The following KIF24 variants were observed in gnomAD, a reference collection of about 807,000 sequenced individuals.
The protein encoded by KIF24 is kinesin-like protein KIF24.
Under a neutral mutation model 118.9 loss-of-function variants are expected in KIF24, and 81 were observed. The observed-to-expected ratio is 0.68, with a 90% CI of 0.57 to 0.82. The LOEUF is 0.82. Ranked by LOEUF, KIF24 falls within the 40% of genes least tolerant of loss-of-function variation. KIF24 has a pLI of 0.00. For missense variants in KIF24, 1,560 were observed against 1,661.6 expected, an observed-to-expected ratio of 0.94 and a Z score of 1.06; for synonymous variants, 599 against 610.0, an observed-to-expected ratio of 0.98 and a Z score of 0.27.
At position 34,318,922 on chromosome 9, in the gene KIF24, C is replaced by T; in HGVS notation, c.-25-7551G>A. ...ACAAGCGCAGTGCGCTGCAGTCCATCCACGAGTGGGCCGTGCAGACCACCG... is the reference window on the plus strand; with the variant it reads ...ACAAGCGCAGTGCGCTGCAGTCCATTCACGAGTGGGCCGTGCAGACCACCG... On this transcript the variant is annotated intron_variant, in intron 1 of 12. Coordinates refer to ENST00000402558, the MANE Select transcript of KIF24 (RefSeq NM_194313.4). This position sits in a 1 kb window ranked among gnomAD's most constrained non-coding sequence, Gnocchi z 4.9. 2 of 1,569,684 alleles carry T rather than the reference C, an allele frequency of 1.3e-6. No homozygotes were observed. Among genetic ancestry groups the T allele is most frequent in the Non-Finnish European group, 1.7e-6 (2 of 1,145,418 alleles).
intron 1 of KIF24, among the ~76,000 whole-genome samples, chr9:34,317,167 G>A (rs1257857300): frequency 6.6e-6 from 1 of 151,488 alleles, no homozygotes; most frequent in Non-Finnish European, 1.5e-5. Context: ...GCGGTGAGCT[G>A]AGATCGCGCC....
At chr9:34,259,462 ATG>A (rs1834973037) in intron 10 of KIF24, 132 bp downstream of exon 10, 3 of 675,702 alleles carry the variant, frequency 4.4e-6, no homozygotes, top group Non-Finnish European at 7.9e-6. Context: ...TCAGATCCCT[ATG>A]TGTGTGTGAG....
At chr9:34,317,634 T>C (rs1459830002) in intron 1 of KIF24, among the ~76,000 whole-genome samples, 1 of 152,172 alleles carries the variant, frequency 6.6e-6, no homozygotes, top group Non-Finnish European at 1.5e-5. Flanking sequence ...GGAATGTCAA[T>C]CATCCCACTG....
intron 10 of KIF24, 104 bp downstream of exon 10, chr9:34,259,492 T>C (rs2131670705): frequency 1.2e-6 from 1 of 800,510 alleles, no homozygotes; most frequent in East Asian, 2.6e-5. Context: ...GACATGTGCA[T>C]GCACTTGCAC....
In KIF24 at chr9:34,298,544, CAA is replaced by C. The variant is rs5897564; in HGVS notation, c.814-1432_814-1431del. The stretch of plus-strand genomic sequence containing the variant: ...CTGGGCAACGAGCAAAACTCCATCT[CAA>C]AAAAAAAAAAAAGAGACAGAATACT... On this transcript the variant is annotated intron_variant, in intron 3 of 12. Transcript: ENST00000402558. Among the ~76,000 whole-genome samples, 187 of 135,934 alleles carry C rather than the reference CAA, an allele frequency of 1.4e-3. 1 individual carries two copies. The highest frequency in any genetic ancestry group is 1.8e-3 in the Admixed American group (24 of 13,572). 89.2% of individuals were successfully genotyped at this position (135,934 alleles called of 152,430 possible).
rs140636385 is a variant in KIF24, at chr9:34,323,909, ATAATT to A, written c.-26+5192_-26+5196del. ...TACAAATAAAGAAACTGAGGCACAGATAATTTAATTTATTCAAAACCATGACATAA... is the reference window on the plus strand; with the variant it reads ...TACAAATAAAGAAACTGAGGCACAGATAATTTATTCAAAACCATGACATAA... On this transcript the variant is annotated intron_variant, in intron 1 of 12. Coordinates refer to ENST00000402558, the MANE Select transcript of KIF24 (RefSeq NM_194313.4). Among the ~76,000 whole-genome samples, 1,447 of 152,358 alleles carry A rather than the reference ATAATT, an allele frequency of 9.5e-3. 27 individuals carry two copies. The highest frequency in any genetic ancestry group is 0.033 in the African/African-American group (1,375 of 41,582).
chr9:34,333,174 G>A (rs991731346), upstream of KIF24, among the ~76,000 whole-genome samples: 1 of 152,114 alleles, frequency 6.6e-6, no homozygotes, highest in Non-Finnish European at 1.5e-5. Flanking sequence ...TTTGAGATGG[G>A]TGCTATTAGG....
At chr9:34,262,012 C>T (rs971217763) in intron 9 of KIF24, among the ~76,000 whole-genome samples, 1 of 152,172 alleles carries the variant, frequency 6.6e-6, no homozygotes, top group African/African-American at 2.4e-5. Flanking sequence ...CAATTCACTG[C>T]AGCCTCAACC....
At chr9:34,303,808 C>T (rs917497150) in intron 3 of KIF24, among the ~76,000 whole-genome samples, 5 of 152,126 alleles carry the variant, frequency 3.3e-5, no homozygotes, top group Non-Finnish European at 7.4e-5. Context: ...AGGATCATAC[C>T]ACTGCACTCC....
intron 3 of KIF24, 147 bp from the exon 4 acceptor site, chr9:34,297,261 A>G: frequency 1.8e-6 from 1 of 571,332 alleles, no homozygotes; most frequent in Non-Finnish European, 3.1e-6. Context: ...AGCAATCACT[A>G]TTAAATGACA....
intron 2 of KIF24, among the ~76,000 whole-genome samples, chr9:34,310,386 A>G (rs917558468): frequency 3.6e-5 from 4 of 110,650 alleles, no homozygotes; most frequent in African/African-American, 1.0e-4. Flanking sequence ...TCTCCACTGT[A>G]GAAGGGTTAA....
Position 34,262,628 on chromosome 9 carries a change from G to A in KIF24, c.1515+473C>T, listed in dbSNP as rs1229329716. 3.0e-5 allele frequency among the ~76,000 whole-genome samples: 3 copies of A among 99,140 alleles called. No homozygotes were observed. In the East Asian group the frequency reaches 1.0e-3, roughly 33 times the overall value. The allele number at this position is 99,140 out of a possible 152,430, so 65.0% of individuals were successfully genotyped here. On this transcript the variant is annotated intron_variant, in intron 9 of 12. Transcript: ENST00000402558. Reference sequence around the variant, plus strand: ...TCGAGGCCAGCCTAGGCAACATGGTGAAACCCTGTCTCTACCAAAAAAAAA... The same window carrying A: ...TCGAGGCCAGCCTAGGCAACATGGTAAAACCCTGTCTCTACCAAAAAAAAA...
At chr9:34,294,413 G>A (rs922400976) in intron 4 of KIF24, among the ~76,000 whole-genome samples, 8 of 152,034 alleles carry the variant, frequency 5.3e-5, no homozygotes, top group Non-Finnish European at 1.0e-4. Context: ...AAAATTAGCC[G>A]GGTGTGGGAT....
At position 34,318,662 on chromosome 9, in the gene KIF24, G is replaced by A; in HGVS notation, c.-25-7291C>T. 1 of 1,538,992 alleles carries A rather than the reference G, an allele frequency of 6.5e-7. No homozygotes were observed. Among genetic ancestry groups the A allele is most frequent in the South Asian group, 1.2e-5 (1 of 86,876 alleles). ...GGGGCTCGTGTCGCTGGGCGGCAAG[G>A]CGACCACGGCGTCGGAGGCCAAGGC... On this transcript the variant is annotated intron_variant, in intron 1 of 12. Coordinates refer to ENST00000402558, the MANE Select transcript of KIF24 (RefSeq NM_194313.4). This position sits in a 1 kb window ranked among gnomAD's most constrained non-coding sequence, Gnocchi z 4.9.
At chr9:34,279,975 G>T (rs986618661) in intron 6 of KIF24, among the ~76,000 whole-genome samples, 1 of 152,090 alleles carries the variant, frequency 6.6e-6, no homozygotes, top group African/African-American at 2.4e-5. Context: ...ATTTTCTTAG[G>T]AACCATACTT....
At chr9:34,283,213 C>CA (rs1044569932) in intron 6 of KIF24, among the ~76,000 whole-genome samples, 3 of 151,230 alleles carry the variant, frequency 2.0e-5, no homozygotes, top group African/African-American at 7.3e-5. Context: ...CTAAAAATGC[C>CA]AAAAAAATTA....
intron 3 of KIF24, among the ~76,000 whole-genome samples, chr9:34,300,237 T>TGCG (rs140496406): frequency 6.6e-6 from 1 of 151,720 alleles, no homozygotes; most frequent in Non-Finnish European, 1.5e-5. Context: ...CTTTGAAAAA[T>TGCG]GTGGTAAGAT....
chr9:34,254,590 T>TC lies in KIF24; in HGVS notation c.3967-71dup, dbSNP rs1024754117. On this transcript the variant is annotated intron_variant, in intron 12 of 12. Transcript: ENST00000402558. ...CGCTCTGCCAGATCTGCTTTTTCAG[T>TC]CCCTCCTCTGGCAGGAAAGTTTCAG... The TC allele has an allele frequency of 2.7e-6, 4 of 1,506,106 alleles. No homozygotes were observed. In the African/African-American group the frequency reaches 5.5e-5, roughly 21 times the overall value. 93.3% of individuals were successfully genotyped at this position (1,506,106 alleles called of 1,614,324 possible).
intron 6 of KIF24, among the ~76,000 whole-genome samples, chr9:34,274,935 T>C (rs1835603193): frequency 6.6e-6 from 1 of 151,526 alleles, no homozygotes; most frequent in Admixed American, 6.6e-5. Flanking sequence ...GTGTGTGATC[T>C]AAAAATCAAA....
Sources: allele counts gnomAD v4.1 joint callset (sites outside exome capture counted in the v4.1 genomes callset), GRCh38; gene constraint gnomAD v4.1.1; non-coding constraint Gnocchi (gnomAD v3.1); transcripts MANE v1.5; gene names NCBI Gene and HGNC (gene_info 2026-07-23, HGNC 2026-07-21).